The following SPATA6L variants were observed in gnomAD, a reference collection of about 807,000 sequenced individuals.
The protein encoded by SPATA6L is spermatogenesis associated 6-like protein.
SPATA6L carries 68 observed loss-of-function variants against 49.2 expected under a neutral mutation model. The ratio of observed to expected loss-of-function variants is 1.38; its 90% CI spans 1.14 to 1.69. The LOEUF is 1.69. SPATA6L is among the 40% of genes most tolerant of loss of function. The pLI is 0.00. For synonymous variants in SPATA6L, 198 were observed against 165.7 expected (o/e 1.19, Z -1.50); for missense variants, 668 against 464.3 (o/e 1.44, Z -4.03).
chr9:4,615,540 G>T (rs1366466239), intron 9 of SPATA6L, among the ~76,000 whole-genome samples: 1 of 152,204 alleles, frequency 6.6e-6, no homozygotes, highest in African/African-American at 2.4e-5. Context: ...CTGGCTGAAT[G>T]AATGCATAAA....
In SPATA6L at chr9:4,609,574, G is replaced by C. The variant is rs201622877; in HGVS notation, c.996-4134C>G. On this transcript the variant is annotated intron_variant, in intron 9 of 11. Coordinates refer to ENST00000682582, the MANE Select transcript of SPATA6L (RefSeq NM_001353486.2). ...TGATTATCTCAATAGATGCAGAAAA[G>C]GCCTTTGACAAAATTCAACAACACT... Among the ~76,000 whole-genome samples the C allele has an allele frequency of 2.0e-4, 31 of 151,906 alleles. No individual in the cohort carries two copies. The East Asian group carries it at 4.8e-3, about 24-fold the overall frequency.
chr9:4,652,398 A>G (rs7045213), intron 3 of SPATA6L, among the ~76,000 whole-genome samples: 64,446 of 151,926 alleles, frequency 0.42, 13,722 homozygotes, highest in East Asian at 0.58. Context: ...AAACAAAAAC[A>G]AAAACAAAAA....
chr9:4,636,522 C>A (rs1165772258), intron 3 of SPATA6L, among the ~76,000 whole-genome samples: 2 of 152,166 alleles, frequency 1.3e-5, no homozygotes, highest in African/African-American at 4.8e-5. Flanking sequence ...GCAGGTGCCA[C>A]ACAAGTGATC....
At chr9:4,606,642 G>C (rs1370608940) in intron 9 of SPATA6L, among the ~76,000 whole-genome samples, 2 of 57,006 alleles carry the variant, frequency 3.5e-5, no homozygotes, top group African/African-American at 6.4e-5. Context: ...AAACCCATCT[G>C]TACATCACCA....
At chr9:4,611,558 A>G (rs1826718712) in intron 9 of SPATA6L, among the ~76,000 whole-genome samples, 1 of 148,520 alleles carries the variant, frequency 6.7e-6, no homozygotes, top group Non-Finnish European at 1.5e-5. Flanking sequence ...ACAAAAAACC[A>G]AACACCGCAT....
intron 4 of SPATA6L, among the ~76,000 whole-genome samples, chr9:4,630,888 G>A (rs1831388511): frequency 6.6e-6 from 1 of 152,150 alleles, no homozygotes; most frequent in Non-Finnish European, 1.5e-5. Context: ...AGTAAACTAA[G>A]GCACAAAGAG....
intron 7 of SPATA6L, among the ~76,000 whole-genome samples, chr9:4,620,370 G>A (rs1259593174): frequency 6.6e-6 from 1 of 152,142 alleles, no homozygotes; most frequent in Non-Finnish European, 1.5e-5. Flanking sequence ...ACGGGGGCCT[G>A]CCATCATTCC....
rs556810409 is a variant in SPATA6L at position 4,616,723 on chromosome 9, T to C, written c.995+1200A>G. Among the ~76,000 whole-genome samples, 567 of 152,266 alleles carry C rather than the reference T, an allele frequency of 3.7e-3. 6 individuals are homozygous for C. Among genetic ancestry groups the C allele is most frequent in the African/African-American group, 0.013 (543 of 41,540 alleles). On this transcript the variant is annotated intron_variant, in intron 9 of 11. Coordinates refer to ENST00000682582, the MANE Select transcript of SPATA6L (RefSeq NM_001353486.2). ...GCCTCAGCCTCCCGAGTAGCTGGGA[T>C]TACAGGCATGCGCCACTATGCCCGG...
At chr9:4,595,358 T>C (rs1564081857), downstream of SPATA6L, among the ~76,000 whole-genome samples, 1 of 152,186 alleles carries the variant, frequency 6.6e-6, no homozygotes, top group Non-Finnish European at 1.5e-5. Context: ...GTTGAGGTTC[T>C]ATTGCCCTAA....
intron 1 of SPATA6L, chr9:4,663,364 T>C (rs2130811933): frequency 1.6e-6 from 2 of 1,266,932 alleles, no homozygotes; most frequent in East Asian, 2.3e-5. Flanking sequence ...CTTAGGCATT[T>C]CAGGCTTCCT....
chr9:4,594,272 C>T (rs545387329), downstream of SPATA6L, among the ~76,000 whole-genome samples: 169 of 152,308 alleles, frequency 1.1e-3, no homozygotes, highest in Middle Eastern at 3.4e-3. Context: ...TGCAGTGGCG[C>T]GAACTCAGCT....
chr9:4,636,446 A>C (rs1250017256), intron 3 of SPATA6L, among the ~76,000 whole-genome samples: 1 of 152,230 alleles, frequency 6.6e-6, no homozygotes, highest in African/African-American at 2.4e-5. Context: ...TCTTGGGTCT[A>C]ATGGGATGAA....
downstream of SPATA6L, among the ~76,000 whole-genome samples, chr9:4,597,319 T>TACACACAC (rs57570250): frequency 1.9e-4 from 28 of 144,002 alleles, no homozygotes; most frequent in South Asian, 3.0e-3. Flanking sequence ...GAAAACAAAA[T>TACACACAC]ACACACACAC....
At chr9:4,592,144 G>C (rs919956961) in intron 13 of SPATA6L, among the ~76,000 whole-genome samples, 6 of 152,000 alleles carry the variant, frequency 3.9e-5, no homozygotes, top group African/African-American at 1.4e-4. Flanking sequence ...ATGAAACCCT[G>C]TCTCTACTAA....
In SPATA6L at chr9:4,589,338, G is replaced by C. The variant is rs189779758; in HGVS notation, c.*255-377C>G. On this transcript the variant is annotated intron_variant and NMD_transcript_variant, in intron 13 of 13. Transcript: ENST00000461761. ...TCTCCCTCCCCCATTTATTAACATGGGGTAATCCGTAGGGATGCAATTGCT... is the reference window on the plus strand; with the variant it reads ...TCTCCCTCCCCCATTTATTAACATGCGGTAATCCGTAGGGATGCAATTGCT... Among the ~76,000 whole-genome samples, 7 of 152,228 alleles carry C rather than the reference G, an allele frequency of 4.6e-5. No homozygotes were observed. The East Asian group carries it at 1.2e-3, about 25-fold the overall frequency.
At position 4,605,165 on chromosome 9, in the gene SPATA6L, G is replaced by A. The variant is rs529313276; in HGVS notation, c.1089+182C>T. On this transcript the variant is annotated intron_variant, in intron 10 of 11. Coordinates refer to ENST00000682582, the MANE Select transcript of SPATA6L (RefSeq NM_001353486.2). ...CTCAGGAAGCCAGCCCTGACTCCCA[G>A]CCATGTCAAATACCCGCTACCATTC... 1.2e-3 allele frequency among the ~76,000 whole-genome samples: 187 copies of A among 152,230 alleles called. 2 individuals carry two copies. The highest frequency in any genetic ancestry group is 4.4e-3 in the African/African-American group (183 of 41,544).
At chr9:4,644,629 T>C (rs895999752) in intron 3 of SPATA6L, among the ~76,000 whole-genome samples, 1 of 151,280 alleles carries the variant, frequency 6.6e-6, no homozygotes, top group Non-Finnish European at 1.5e-5. Context: ...ATAGCAGAGA[T>C]CAGAGGAGAA....
chr9:4,636,071 T>A (rs1325559969), intron 3 of SPATA6L, among the ~76,000 whole-genome samples: 1 of 151,942 alleles, frequency 6.6e-6, no homozygotes, highest in Non-Finnish European at 1.5e-5. Context: ...ACTATGTAAC[T>A]GAAAATAATT....
chr9:4,641,910 G>C (rs1426319192), intron 3 of SPATA6L, among the ~76,000 whole-genome samples: 2 of 152,166 alleles, frequency 1.3e-5, no homozygotes, highest in African/African-American at 4.8e-5. Flanking sequence ...TGGGACTACA[G>C]GCATGCACCA....
Sources: allele counts gnomAD v4.1 joint callset (sites outside exome capture counted in the v4.1 genomes callset), GRCh38; gene constraint gnomAD v4.1.1; transcripts MANE v1.5; gene names NCBI Gene and HGNC (gene_info 2026-07-23, HGNC 2026-07-21).